PLEKHG1: variants seen among roughly 807,000 people sequenced by gnomAD.
PLEKHG1 encodes pleckstrin homology and RhoGEF domain containing G1.
Under a neutral mutation model 100.8 loss-of-function variants are expected in PLEKHG1, and 44 were observed. The observed-to-expected ratio is 0.44, with a 90% CI of 0.34 to 0.56. The LOEUF is 0.56. Ranked by LOEUF, PLEKHG1 falls within the 20% of genes least tolerant of loss-of-function variation. PLEKHG1 has a pLI of 0.01. For synonymous variants in PLEKHG1, 640 were observed against 662.5 expected, an observed-to-expected ratio of 0.97 and a Z score of 0.52; for missense variants, 1,545 against 1,720.9, an observed-to-expected ratio of 0.90 and a Z score of 1.81.
At chr6:150,720,562 G>A, upstream of PLEKHG1, among the ~76,000 whole-genome samples, 1 of 152,072 alleles carries the variant, frequency 6.6e-6, no homozygotes, top group Non-Finnish European at 1.5e-5. Flanking sequence ...CAAGTGTCTT[G>A]TTAACAGAAA....
intron 3 of PLEKHG1, among the ~76,000 whole-genome samples, chr6:150,779,367 A>T (rs1785183145): frequency 1.5e-5 from 1 of 66,228 alleles, no homozygotes; most frequent in South Asian, 4.4e-4. Flanking sequence ...TTTTTTTGAG[A>T]CAGAGTCTCG....
At chr6:150,828,414 T>G (rs1776735417) in intron 14 of PLEKHG1, 4 of 1,552,228 alleles carry the variant, frequency 2.6e-6, no homozygotes, top group Non-Finnish European at 3.5e-6. Flanking sequence ...TGCCGAACTT[T>G]CTTGTGACAA....
chr6:150,617,012 G>C (rs961858375), intron 1 of PLEKHG1, among the ~76,000 whole-genome samples: 5 of 152,176 alleles, frequency 3.3e-5, no homozygotes, highest in Non-Finnish European at 5.9e-5. Flanking sequence ...GGAATATAAT[G>C]ATTTTTACCA....
rs1388427943 is a variant in PLEKHG1, at chr6:150,683,628, C to T, written c.-99+32842C>T. ...GCTTCCTGTTGGGGAAAACCTTGGACACTGTGCATCCACCTGCTATAACTG... is the reference window on the plus strand; with the variant it reads ...GCTTCCTGTTGGGGAAAACCTTGGATACTGTGCATCCACCTGCTATAACTG... On this transcript the variant is annotated intron_variant, in intron 3 of 3. Transcript: ENST00000367326. This position sits in a 1 kb window ranked among gnomAD's most constrained non-coding sequence, Gnocchi z 4.0. 3 of 381,182 alleles carry T rather than the reference C, an allele frequency of 7.9e-6. No homozygotes were observed. The highest frequency in any genetic ancestry group is 2.2e-5 in the South Asian group (1 of 45,176). The allele number at this position is 381,182 out of a possible 1,614,324, so 23.6% of individuals were successfully genotyped here.
At chr6:150,694,116 G>A (rs1486086968) in intron 3 of PLEKHG1, among the ~76,000 whole-genome samples, 1 of 152,202 alleles carries the variant, frequency 6.6e-6, no homozygotes, top group Non-Finnish European at 1.5e-5. Context: ...CAATGAACAT[G>A]GCAGAATTTT....
At chr6:150,810,539 G>GAAAGA (rs1562540321) in intron 10 of PLEKHG1, among the ~76,000 whole-genome samples, 5 of 104,938 alleles carry the variant, frequency 4.8e-5, no homozygotes, top group African/African-American at 1.7e-4. Flanking sequence ...AGAAAGAAAG[G>GAAAGA]AAGAAAGGAA....
At chr6:150,812,943 A>G (rs895131803) in intron 10 of PLEKHG1, among the ~76,000 whole-genome samples, 3 of 152,156 alleles carry the variant, frequency 2.0e-5, no homozygotes, top group African/African-American at 4.8e-5. Flanking sequence ...TCGTGCAGAT[A>G]ATAAAGTCAT....
intron 1 of PLEKHG1, among the ~76,000 whole-genome samples, chr6:150,727,308 C>G (rs1050505586): frequency 8.5e-5 from 13 of 152,146 alleles, no homozygotes; most frequent in African/African-American, 2.9e-4. Context: ...TAGGACCCAT[C>G]AGATGTCCCC....
intron 2 of PLEKHG1, among the ~76,000 whole-genome samples, chr6:150,648,321 T>C (rs189796487): frequency 6.6e-6 from 1 of 152,246 alleles, no homozygotes; most frequent in East Asian, 1.9e-4. Context: ...TGTTGCACAG[T>C]GAGACTTTCA....
chr6:150,702,077 G>A (rs922804415), intron 3 of PLEKHG1, among the ~76,000 whole-genome samples: 1 of 152,196 alleles, frequency 6.6e-6, no homozygotes, highest in African/African-American at 2.4e-5. Context: ...CACTAGTTGA[G>A]CGATTATACT....
intron 1 of PLEKHG1, among the ~76,000 whole-genome samples, chr6:150,612,056 C>A (rs763721733): frequency 1.5e-4 from 16 of 107,934 alleles, no homozygotes; most frequent in East Asian, 7.8e-4. Context: ...CCCCCCCCCC[C>A]CCCCTTTTCT....
intron 2 of PLEKHG1, among the ~76,000 whole-genome samples, chr6:150,757,286 C>G (rs1307274246): frequency 6.6e-6 from 1 of 152,206 alleles, no homozygotes; most frequent in African/African-American, 2.4e-5. Flanking sequence ...CAGGCGTGAG[C>G]CACCGCACCC....
chr6:150,742,293 T>C (rs9478808), intron 2 of PLEKHG1, among the ~76,000 whole-genome samples: 140,152 of 152,186 alleles, frequency 0.92, 64,653 homozygotes, highest in Non-Finnish European at 0.93. Context: ...GGTGGCCAGG[T>C]GCAGTGGCTC....
intron 13 of PLEKHG1, 49 bp from the exon 15 acceptor site, chr6:150,823,605 G>A (rs748845449): frequency 7.9e-7 from 1 of 1,262,124 alleles, no homozygotes; most frequent in Non-Finnish European, 1.2e-6. Context: ...TACTTATATA[G>A]GAGGTACATT....
At chr6:150,811,256 C>A (rs13220403) in intron 10 of PLEKHG1, among the ~76,000 whole-genome samples, 1 of 130,726 alleles carries the variant, frequency 7.6e-6, no homozygotes, top group African/African-American at 2.9e-5. Flanking sequence ...TTACCTCAGT[C>A]TTAAAGGATA....
intron 6 of PLEKHG1, among the ~76,000 whole-genome samples, chr6:150,803,710 T>C (rs1195330919): frequency 1.3e-5 from 2 of 152,188 alleles, no homozygotes; most frequent in African/African-American, 4.8e-5. Flanking sequence ...CTTTAAAACC[T>C]TGACTACAGG....
At chr6:150,778,080 T>C (rs189652330) in intron 3 of PLEKHG1, among the ~76,000 whole-genome samples, 112 of 152,360 alleles carry the variant, frequency 7.4e-4, no homozygotes, top group African/African-American at 2.6e-3. Flanking sequence ...TGGCTTCCTT[T>C]GTATACCTCA....
At chr6:150,664,625 G>C (rs892083262) in intron 3 of PLEKHG1, 3 of 152,364 alleles carry the variant, frequency 2.0e-5, no homozygotes, top group South Asian at 2.1e-4. Context: ...TCATGGCACT[G>C]TGGTGGGGGT....
intron 1 of PLEKHG1, among the ~76,000 whole-genome samples, chr6:150,722,668 A>T (rs1781760563): frequency 6.6e-6 from 1 of 152,008 alleles, no homozygotes; most frequent in Non-Finnish European, 1.5e-5. Flanking sequence ...TCCTTTTTTA[A>T]AAGAACATGT....
Sources: gnomAD v4.1 joint callset for allele counts (sites outside exome capture counted in the v4.1 genomes callset) on GRCh38, gnomAD v4.1.1 for gene constraint, Gnocchi (gnomAD v3.1) non-coding constraint, MANE v1.5 for transcripts, NCBI Gene and HGNC (gene_info 2026-07-23, HGNC 2026-07-21) for gene names.